Variants in RTEL1 observed in about 807,000 individuals in gnomAD.
The protein encoded by RTEL1 is regulator of telomere elongation helicase 1, also known as regulator of telomere length.
A neutral mutation model predicts 162.2 loss-of-function variants in RTEL1; 86 were observed. The observed-to-expected ratio is 0.53, with a 90% CI of 0.45 to 0.63. The LOEUF (loss-of-function observed/expected upper bound fraction) is 0.63, where lower values mean the gene tolerates loss of function less well. RTEL1 is among the 30% of genes least tolerant of loss of function. The pLI is 0.00. For missense variants in RTEL1, 1,941 were observed against 1,750.2 expected (o/e 1.11, Z -1.95); for synonymous variants, 958 against 717.9 (o/e 1.33, Z -5.35).
chr20:63,667,968 ACACT>A (rs1336658475), intron 8 of RTEL1, among the ~76,000 whole-genome samples: 1 of 104,894 alleles, frequency 9.5e-6, no homozygotes, highest in African/African-American at 3.9e-5. Context: ...GCCCGGCTTC[ACACT>A]CACTCCCCTC....
In RTEL1 at chr20:63,692,885, C is replaced by A. The variant is rs372027131; in HGVS notation, c.2733C>A (p.Asn911Lys). 2.0e-5 allele frequency: 32 copies of A among 1,612,550 alleles called. No individual in the cohort carries two copies. The highest frequency in any genetic ancestry group is 2.5e-5 in the Non-Finnish European group (30 of 1,179,874). The change falls in exon 29 of 35, where the codon AAC becomes AAA. Residue 911 changes from asparagine (N) to lysine (K), a missense_variant. Coordinates refer to ENST00000360203, the MANE Select transcript of RTEL1 (RefSeq NM_001283009.2). ...VAVKQELSQANFATFTQALQD... is the reference protein window; with the variant it reads ...VAVKQELSQAKFATFTQALQD... ...TGAAGCAGGAGTTGAGCCAAGCCAA[C>A]TTTGCCACCTTCACCCAGGCCCTGC...
intron 14 of RTEL1, among the ~76,000 whole-genome samples, chr20:63,684,046 C>G (rs1568701296): frequency 6.6e-6 from 1 of 151,580 alleles, no homozygotes; most frequent in Non-Finnish European, 1.5e-5. Flanking sequence ...CACATGTTTC[C>G]TTGTCAGATT....
At chr20:63,688,771 C>T (rs2090655009) in intron 21 of RTEL1, 166 bp downstream of exon 21, 1 of 666,806 alleles carries the variant, frequency 1.5e-6, no homozygotes, top group South Asian at 1.9e-5. Context: ...TGCCTCTTAT[C>T]TTACAAAGCC....
intron 12 of RTEL1, among the ~76,000 whole-genome samples, chr20:63,679,486 C>G (rs1409400138): frequency 6.6e-6 from 1 of 152,130 alleles, no homozygotes; most frequent in African/African-American, 2.4e-5. Context: ...CCCATCCCTC[C>G]CCTCTGACGG....
chr20:63,692,598 C>G, intron 28 of RTEL1: 1 of 599,038 alleles, frequency 1.7e-6, no homozygotes, highest in Non-Finnish European at 3.0e-6. Flanking sequence ...CAGCCTCTCA[C>G]TGTGTGACCT....
chr20:63,666,150 C>A, intron 7 of RTEL1, 71 bp downstream of exon 7: 1 of 1,165,108 alleles, frequency 8.6e-7, no homozygotes, highest in Non-Finnish European at 1.3e-6. Context: ...TGTGGAGGCC[C>A]GGATATATTT....
chr20:63,681,894 T>C, intron 14 of RTEL1: 3 of 985,332 alleles, frequency 3.0e-6, no homozygotes, highest in Non-Finnish European at 2.4e-6. Flanking sequence ...CCCCTCTGTC[T>C]GTGGCTCCTG....
At position 63,689,900 on chromosome 20, in the gene RTEL1, G is replaced by A. The variant is rs754292865; in HGVS notation, c.2141+35G>A. 1.0e-5 allele frequency: 16 copies of A among 1,577,252 alleles called. No homozygotes were observed. The South Asian group carries it at 1.6e-4, about 15-fold the overall frequency. On this transcript the variant is annotated intron_variant, in intron 24 of 34. Transcript: ENST00000360203. ...GTCCGGTGGCAGGCGCGGCGCCAGG[G>A]GACACGCCCACACCCCACTGGGCCC...
At position 63,668,405 on chromosome 20, in the gene RTEL1, C is replaced by T. The variant is rs1183347508; in HGVS notation, c.699+852C>T. ...CAAGACTGGCTTCACTCACATGGAG[C>T]TTTGATTCTAGTGGTGGGGACAGGT... On this transcript the variant is annotated intron_variant, in intron 8 of 34. Transcript: ENST00000360203. This position sits in a 1 kb window ranked among gnomAD's most constrained non-coding sequence, Gnocchi z 4.3. Among the ~76,000 whole-genome samples the T allele has an allele frequency of 6.6e-6, 1 of 152,186 alleles. No individual in the cohort carries two copies. Among genetic ancestry groups the T allele is most frequent in the Non-Finnish European group, 1.5e-5 (1 of 68,040 alleles).
intron 30 of RTEL1, among the ~76,000 whole-genome samples, 179 bp downstream of exon 30, chr20:63,693,462 T>TCCA (rs1555813373): frequency 0.049 from 471 of 9,538 alleles, 77 homozygotes; most frequent in African/African-American, 0.079. Flanking sequence ...CACCTCCACC[T>TCCA]CCACCTCCAC....
At chr20:63,664,000 T>A (rs1346757803) in intron 6 of RTEL1, among the ~76,000 whole-genome samples, 1 of 152,196 alleles carries the variant, frequency 6.6e-6, no homozygotes, top group Non-Finnish European at 1.5e-5. Context: ...AGGCATGTGC[T>A]GTGTTGCTGG....
At chr20:63,662,649 C>G (rs1416604253) in intron 5 of RTEL1, 22 bp downstream of exon 5, 9 of 1,613,246 alleles carry the variant, frequency 5.6e-6, no homozygotes, top group Middle Eastern at 1.7e-4. Flanking sequence ...GGCTCCCGCT[C>G]CGGCTCAGTG....
chr20:63,659,546 G>A (rs1309398026), intron 2 of RTEL1, 42 bp downstream of exon 2: 4 of 1,447,750 alleles, frequency 2.8e-6, no homozygotes, highest in Non-Finnish European at 3.9e-6. Context: ...GGTGGGTGGA[G>A]CTTCAGCCAG....
intron 21 of RTEL1, 69 bp from the exon 22 acceptor site, chr20:63,688,986 G>C: frequency 7.4e-7 from 1 of 1,350,922 alleles, no homozygotes; most frequent in Non-Finnish European, 1.1e-6. Flanking sequence ...TGAGACCTGG[G>C]TCTCCCTCAT....
At chr20:63,665,510 C>T (rs1199061851) in intron 6 of RTEL1, among the ~76,000 whole-genome samples, 1 of 152,196 alleles carries the variant, frequency 6.6e-6, no homozygotes, top group Non-Finnish European at 1.5e-5. Flanking sequence ...CACTGTTTAG[C>T]CCAGGAAAAC....
intron 14 of RTEL1, chr20:63,680,980 C>T: frequency 1.0e-6 from 1 of 985,390 alleles, no homozygotes; most frequent in Non-Finnish European, 1.2e-6. Flanking sequence ...ACAGTGGGGG[C>T]CGGGGAGCCG....
rs200550037 is a variant in RTEL1, at chr20:63,691,847, C to T, written c.2652+10C>T. The T allele has an allele frequency of 1.5e-5, 24 of 1,605,392 alleles. No individual in the cohort carries two copies. Among genetic ancestry groups the T allele is most frequent in the Non-Finnish European group, 1.8e-5 (21 of 1,177,238 alleles). On this transcript the variant is annotated intron_variant, in intron 28 of 34. Coordinates refer to ENST00000360203, the MANE Select transcript of RTEL1 (RefSeq NM_001283009.2). ...GCTGGTCAGCCACCCGGTGCGTGAG[C>T]TGTCCCTGCACCTGTGCCGACCACC...
intron 4 of RTEL1, among the ~76,000 whole-genome samples, chr20:63,662,148 T>C (rs562065793): frequency 3.6e-4 from 55 of 152,294 alleles, no homozygotes; most frequent in African/African-American, 1.3e-3. Context: ...GAAGCAGCTT[T>C]GCATCTGTGT....
chr20:63,691,865 C>G, intron 28 of RTEL1, 28 bp downstream of exon 28: 1 of 1,583,764 alleles, frequency 6.3e-7, no homozygotes, highest in Non-Finnish European at 8.6e-7. Context: ...GCACCTGTGC[C>G]GACCACCATA....
Sources: gnomAD v4.1 joint callset for allele counts (sites outside exome capture counted in the v4.1 genomes callset) on GRCh38, gnomAD v4.1.1 for gene constraint, Gnocchi (gnomAD v3.1) non-coding constraint, MANE v1.5 for transcripts, NCBI Gene and HGNC (gene_info 2026-07-23, HGNC 2026-07-21) for gene names.